LRRC14B: variants seen among roughly 807,000 people sequenced by gnomAD.
The protein encoded by LRRC14B is leucine-rich repeat-containing protein 14B.
A neutral mutation model predicts 16.9 loss-of-function variants in LRRC14B; 23 were observed. That is an observed-to-expected ratio of 1.36 (90% CI 0.98 to 1.92). The LOEUF (loss-of-function observed/expected upper bound fraction) is 1.92, where lower values mean the gene tolerates loss of function less well. Ranked by LOEUF, LRRC14B falls within the 30% of genes most tolerant of loss-of-function variation. LRRC14B has a pLI of 0.00. For synonymous variants in LRRC14B, 358 were observed against 332.5 expected, an observed-to-expected ratio of 1.08 and a Z score of -0.83; for missense variants, 766 against 705.7, an observed-to-expected ratio of 1.09 and a Z score of -0.97.
In LRRC14B at chr5:192,033, T is replaced by A; in HGVS notation, c.495T>A (p.Thr165=). Residue 165 remains threonine (T), a synonymous_variant, in exon 1 of 2, where the codon ACT becomes ACA. Coordinates refer to ENST00000328278, the MANE Select transcript of LRRC14B (RefSeq NM_001080478.3). ...PVEVLADLFV[T]EGNFEAVVQA... ...AGGTCCTCGCCGACCTCTTCGTCAC[T>A]GAGGGCAACTTCGAGGCGGTGGTGC... is the stretch of plus-strand genomic sequence containing the variant. The A allele has an allele frequency of 3.2e-6, 5 of 1,540,092 alleles. No homozygotes were observed. The highest frequency in any genetic ancestry group is 4.4e-6 in the Non-Finnish European group (5 of 1,148,636).
chr5:192,432 G>A lies in LRRC14B; in HGVS notation c.894G>A (p.Leu298=), dbSNP rs781274438. 2.0e-6 allele frequency: 3 copies of A among 1,530,632 alleles called. No individual in the cohort carries two copies. Among genetic ancestry groups the A allele is most frequent in the Non-Finnish European group, 2.6e-6 (3 of 1,135,636 alleles). 94.8% of individuals were successfully genotyped at this position (1,530,632 alleles called of 1,614,324 possible). ...CGCTGACCGGGAAGATCCCGACGCT[G>A]CTTGGGTGAGTCTTGGGGAGGGGAC... is the stretch of plus-strand genomic sequence containing the variant. The part of the protein sequence containing the change: ...FSTLTGKIPT[L]LGPLQTPLRV... Residue 298 remains leucine (L), a synonymous_variant, in exon 1 of 2, where the codon CTG becomes CTA. Transcript: ENST00000328278.
At chr5:194,567 G>C in intron 1 of LRRC14B, 141 bp from the exon 2 acceptor site, 1 of 700,506 alleles carries the variant, frequency 1.4e-6, no homozygotes, top group South Asian at 2.0e-5. Context: ...TAGCTCATAG[G>C]CTGTATGAAA....
At chr5:192,570 C>T in intron 1 of LRRC14B, 133 bp downstream of exon 1, 3 of 983,880 alleles carry the variant, frequency 3.0e-6, no homozygotes, top group Non-Finnish European at 4.1e-6. Flanking sequence ...GTGGCCACAG[C>T]CACAGGACAG....
rs765408316 is a variant in LRRC14B at position 195,346 on chromosome 5, T to G, written c.1538T>G (p.Ile513Arg). Residue 513 changes from isoleucine to arginine, a missense_variant, in exon 2 of 2, where the codon ATA becomes AGA. By Grantham distance (97) the Ile-to-Arg change is moderately conservative (BLOSUM62 -3). Coordinates refer to ENST00000328278, the MANE Select transcript of LRRC14B (RefSeq NM_001080478.3). ...AACTTCTCCAGAGCACTCAAACAAATAGAGTAGTTCCTCCACTCGCACCAG... is the reference window on the plus strand; with the variant it reads ...AACTTCTCCAGAGCACTCAAACAAAGAGAGTAGTTCCTCCACTCGCACCAG... ...LENFSRALKQ[I>R]E The G allele has an allele frequency of 6.2e-7, 1 of 1,601,022 alleles. No homozygotes were observed. The highest frequency in any genetic ancestry group is 8.5e-7 in the Non-Finnish European group (1 of 1,179,390).
In LRRC14B at chr5:193,072, C is replaced by T. The variant is rs115991735; in HGVS notation, c.899+635C>T. On this transcript the variant is annotated intron_variant, in intron 1 of 1. Coordinates refer to ENST00000328278, the MANE Select transcript of LRRC14B (RefSeq NM_001080478.3). Reference sequence around the variant, plus strand: ...AGGCAGTGGTGAGGGGGATGCCCGGCGGTGGGTCCAAGGGGGGTGCCCAGC... The same window carrying T: ...AGGCAGTGGTGAGGGGGATGCCCGGTGGTGGGTCCAAGGGGGGTGCCCAGC... 2.1e-3 allele frequency among the ~76,000 whole-genome samples: 315 copies of T among 151,304 alleles called. 2 individuals are homozygous for T. The highest frequency in any genetic ancestry group is 7.1e-3 in the African/African-American group (294 of 41,176).
Position 191,509 on chromosome 5 carries a change from A to G in LRRC14B, c.-30A>G, listed in dbSNP as rs1733787396. On this transcript the variant is annotated 5_prime_UTR_variant, in exon 1 of 2. Transcript: ENST00000328278. ...GCGTGAAGGGCACACGCCTTGGGGA[A>G]AGTCGTGGGGAGCGGTCCTGTCTCG... 1.3e-6 allele frequency: 2 copies of G among 1,574,464 alleles called. No individual in the cohort carries two copies. The highest frequency in any genetic ancestry group is 1.4e-5 in the African/African-American group (1 of 73,882).
intron 1 of LRRC14B, among the ~76,000 whole-genome samples, chr5:192,849 G>A (rs1733835142): frequency 6.6e-6 from 1 of 152,180 alleles, no homozygotes; most frequent in Non-Finnish European, 1.5e-5. Context: ...CAGGGCTGCT[G>A]TTGGCCAAGG....
Position 191,792 on chromosome 5 carries a change from C to T in LRRC14B, c.254C>T (p.Ala85Val). Residue 85 changes from alanine to valine, a missense_variant, in exon 1 of 2, where the codon GCC becomes GTC. Physicochemically the swap from Ala to Val is moderately conservative, Grantham distance 64. Transcript: ENST00000328278. ...PQDLRDRTCR[A>V]CLEALVRGLA... Reference sequence around the variant, plus strand: ...GACCTGCGCGACAGAACCTGCAGGGCCTGCCTGGAGGCGCTGGTGCGCGGC... The same window carrying T: ...GACCTGCGCGACAGAACCTGCAGGGTCTGCCTGGAGGCGCTGGTGCGCGGC... 1 of 1,536,974 alleles carries T rather than the reference C, an allele frequency of 6.5e-7. No homozygotes were observed.
rs1292036098 is a variant in LRRC14B, at chr5:194,830, A to T, written c.1022A>T (p.His341Leu). 3.1e-6 allele frequency: 5 copies of T among 1,601,426 alleles called. No homozygotes were observed. Among genetic ancestry groups the T allele is most frequent in the Non-Finnish European group, 4.3e-6 (5 of 1,174,062 alleles). Residue 341 changes from histidine to leucine, a missense_variant, in exon 2 of 2, where the codon CAC becomes CTC. By Grantham distance (99) the His-to-Leu change is moderately conservative. Transcript: ENST00000328278. ...AHLEVLDLSG[H>L]NLVSLYPSTF... ...CTGGAGGTGCTGGACCTCAGTGGACACAACCTGGTCAGCCTGTACCCCTCG... is the reference window on the plus strand; with the variant it reads ...CTGGAGGTGCTGGACCTCAGTGGACTCAACCTGGTCAGCCTGTACCCCTCG...
In LRRC14B at chr5:195,056, C is replaced by G. The variant is rs764992907; in HGVS notation, c.1248C>G (p.Pro416=). 6.2e-7 allele frequency: 1 copy of G among 1,613,592 alleles called. No homozygotes were observed. Among genetic ancestry groups the G allele is most frequent in the Non-Finnish European group, 8.5e-7 (1 of 1,179,898 alleles). ...TCTTCACCGCACTCTGTGAGCTCCC[C>G]GAGCTGCGCTGCATTGAGTTCCCGG... ...RRLFTALCEL[P]ELRCIEFPVP... The change falls in exon 2 of 2, where the codon CCC becomes CCG. Residue 416 remains proline (P), a synonymous_variant. Coordinates refer to ENST00000328278, the MANE Select transcript of LRRC14B (RefSeq NM_001080478.3).
At chr5:193,787 G>C (rs59450179) in intron 1 of LRRC14B, among the ~76,000 whole-genome samples, 14,283 of 151,972 alleles carry the variant, frequency 0.094, 2,179 homozygotes, top group African/African-American at 0.32. Context: ...TGTCCTGGGC[G>C]GGACATGCAG....
chr5:194,719 C>T lies in LRRC14B; in HGVS notation c.911C>T (p.Thr304Ile). 6.2e-7 allele frequency: 1 copy of T among 1,608,188 alleles called. No individual in the cohort carries two copies. Among genetic ancestry groups the T allele is most frequent in the Non-Finnish European group, 8.5e-7 (1 of 1,176,996 alleles). ...CCCGTGTCCTGCAGCCCCCTACAGACCCCGCTGCGAGTACTGGACCTGGCC... is the reference window on the plus strand; with the variant it reads ...CCCGTGTCCTGCAGCCCCCTACAGATCCCGCTGCGAGTACTGGACCTGGCC... The part of the protein sequence containing the change: ...KIPTLLGPLQ[T>I]PLRVLDLANC... Residue 304 changes from threonine (T) to isoleucine (I), a missense_variant, in exon 2 of 2, where the codon ACC (threonine) becomes ATC (isoleucine). Coordinates refer to ENST00000328278, the MANE Select transcript of LRRC14B (RefSeq NM_001080478.3).
Position 192,947 on chromosome 5 carries a change from C to T in LRRC14B, c.899+510C>T, listed in dbSNP as rs538650628. Among the ~76,000 whole-genome samples, 430 of 152,324 alleles carry T rather than the reference C, an allele frequency of 2.8e-3. 6 individuals are homozygous for T. Among genetic ancestry groups the T allele is most frequent in the African/African-American group, 9.8e-3 (407 of 41,580 alleles). ...GGGCTCCATGCTGCATGGACCTCCCCATGGTGGGACAGGAGGCTTATGCAG... is the reference window on the plus strand; with the variant it reads ...GGGCTCCATGCTGCATGGACCTCCCTATGGTGGGACAGGAGGCTTATGCAG... On this transcript the variant is annotated intron_variant, in intron 1 of 1. Coordinates refer to ENST00000328278, the MANE Select transcript of LRRC14B (RefSeq NM_001080478.3).
rs1234075147 is a variant in LRRC14B, at chr5:192,096, G to T, written c.558G>T (p.Val186=). ...LRPAGPAPLR[V]HCPSFRADSL... ...CAGCGGGCCCGGCCCCTCTGCGGGT[G>T]CACTGCCCCTCGTTCCGGGCGGACA... Residue 186 remains valine, a synonymous_variant, in exon 1 of 2, where the codon GTG becomes GTT. Transcript: ENST00000328278. The T allele has an allele frequency of 6.4e-7, 1 of 1,555,114 alleles. No individual in the cohort carries two copies. Among genetic ancestry groups the T allele is most frequent in the East Asian group, 2.4e-5 (1 of 41,856 alleles).
rs563175014 is a variant in LRRC14B, at chr5:191,767, G to C, written c.229G>C (p.Asp77His). 6.5e-7 allele frequency: 1 copy of C among 1,544,870 alleles called. No individual in the cohort carries two copies. The highest frequency in any genetic ancestry group is 8.7e-7 in the Non-Finnish European group (1 of 1,146,718). ...GGGTCCTGGTGCCGACCACCCCCAG[G>C]ACCTGCGCGACAGAACCTGCAGGGC... ...LLGPGADHPQ[D>H]LRDRTCRACL... The change falls in exon 1 of 2, where the codon GAC becomes CAC. Residue 77 changes from aspartate to histidine, a missense_variant. Coordinates refer to ENST00000328278, the MANE Select transcript of LRRC14B (RefSeq NM_001080478.3).
At position 191,771 on chromosome 5, in the gene LRRC14B, TGC is replaced by T. The variant is rs753530576; in HGVS notation, c.237_238del (p.Asp80GlnfsTer31). 6.5e-7 allele frequency: 1 copy of T among 1,543,842 alleles called. No homozygotes were observed. ...CCTGGTGCCGACCACCCCCAGGACC[TGC>T]GCGACAGAACCTGCAGGGCCTGCCT... On this transcript the variant is annotated frameshift_variant, in exon 1 of 2. Transcript: ENST00000328278. LOFTEE classifies it high-confidence loss of function.
intron 1 of LRRC14B, 29 bp downstream of exon 1, chr5:192,466 G>C: frequency 6.7e-7 from 1 of 1,482,490 alleles, no homozygotes; most frequent in Non-Finnish European, 9.0e-7. Context: ...ACTGAGGGCG[G>C]GCTGGTGGCT....
rs1444516268 is a variant in LRRC14B at position 195,264 on chromosome 5, G to C, written c.1456G>C (p.Glu486Gln). 1 of 1,612,764 alleles carries C rather than the reference G, an allele frequency of 6.2e-7. No individual in the cohort carries two copies. The highest frequency in any genetic ancestry group is 1.7e-5 in the Admixed American group (1 of 60,022). Reference protein sequence around the residue: ...LFGSFDPDIQETSNELGAFLL... With the variant: ...LFGSFDPDIQQTSNELGAFLL... The stretch of plus-strand genomic sequence containing the variant: ...TGGAAGTTTTGACCCAGACATTCAA[G>C]AAACAAGCAATGAGCTTGGTGCTTT... Residue 486 changes from glutamate (E) to glutamine (Q), a missense_variant, in exon 2 of 2, where the codon GAA (glutamate) becomes CAA (glutamine). Physicochemically the swap from Glu to Gln is conservative, Grantham distance 29 (BLOSUM62 2). Coordinates refer to ENST00000328278, the MANE Select transcript of LRRC14B (RefSeq NM_001080478.3).
rs772235375 is a variant in LRRC14B at position 194,733 on chromosome 5, C to T, written c.925C>T (p.Leu309=). ...CCCCCTACAGACCCCGCTGCGAGTA[C>T]TGGACCTGGCCAACTGTGCCCTGAA... is the stretch of plus-strand genomic sequence containing the variant. ...LGPLQTPLRV[L]DLANCALNHT... is the part of the protein sequence containing the mutation. Residue 309 remains leucine (L), a synonymous_variant, in exon 2 of 2, where the codon CTG becomes TTG. Transcript: ENST00000328278. 2 of 1,612,424 alleles carry T rather than the reference C, an allele frequency of 1.2e-6. No homozygotes were observed. Among genetic ancestry groups the T allele is most frequent in the Non-Finnish European group, 1.7e-6 (2 of 1,179,180 alleles).
Sources: allele counts gnomAD v4.1 joint callset (sites outside exome capture counted in the v4.1 genomes callset), GRCh38; gene constraint gnomAD v4.1.1; transcripts MANE v1.5; gene names NCBI Gene and HGNC (gene_info 2026-07-23, HGNC 2026-07-21).